Variants in NRXN3 observed in about 807,000 individuals in gnomAD.
NRXN3 encodes the protein neurexin 3.
In NRXN3, 32 loss-of-function variants were observed where a neutral mutation model predicts 137.6. The ratio of observed to expected loss-of-function variants is 0.23; its 90% CI spans 0.18 to 0.31. The LOEUF is 0.31. Ranked by LOEUF, NRXN3 falls within the 10% of genes least tolerant of loss-of-function variation. NRXN3 has a pLI of 1.00. For missense variants in NRXN3, 1,574 were observed against 2,062.5 expected (o/e 0.76, Z 4.59); for synonymous variants, 798 against 784.5 (o/e 1.02, Z -0.29).
intron 15 of NRXN3, among the ~76,000 whole-genome samples, chr14:79,079,761 G>A (rs757927150): frequency 8.5e-5 from 13 of 152,222 alleles, no homozygotes; most frequent in South Asian, 6.2e-4. Flanking sequence ...AGGCCGAGGC[G>A]GGTGGATCAC....
chr14:78,417,234 G>A (rs552384033), intron 4 of NRXN3, among the ~76,000 whole-genome samples: 6 of 152,242 alleles, frequency 3.9e-5, no homozygotes, highest in Admixed American at 2.0e-4. Flanking sequence ...TTCATCTTGC[G>A]CCACTGCCCA....
At chr14:78,189,930 C>T (rs920731964) in intron 1 of NRXN3, among the ~76,000 whole-genome samples, 1 of 152,226 alleles carries the variant, frequency 6.6e-6, no homozygotes, top group Admixed American at 6.5e-5. Flanking sequence ...TCCCCTAGCA[C>T]TCTGGCCGTC....
intron 3 of NRXN3, 48 bp downstream of exon 3, chr14:78,278,710 A>G: frequency 2.0e-6 from 3 of 1,497,920 alleles, no homozygotes; most frequent in East Asian, 4.9e-5. Context: ...CCCCTCTGCT[A>G]GATTGTGCAT....
intron 16 of NRXN3, among the ~76,000 whole-genome samples, chr14:79,545,361 C>T (rs28642741): frequency 0.037 from 5,601 of 152,040 alleles, 317 homozygotes; most frequent in African/African-American, 0.13. Context: ...GCTCATGGGC[C>T]CTTTTCTTAT....
chr14:79,137,230 T>C (rs2058330973), intron 15 of NRXN3, among the ~76,000 whole-genome samples: 1 of 152,218 alleles, frequency 6.6e-6, no homozygotes, highest in Non-Finnish European at 1.5e-5. Context: ...CCATCTGTTA[T>C]TTCTAAAGTA....
At chr14:79,590,693 G>A (rs2097796133) in intron 16 of NRXN3, among the ~76,000 whole-genome samples, 1 of 152,100 alleles carries the variant, frequency 6.6e-6, no homozygotes, top group East Asian at 1.9e-4. Context: ...CAGCACCTAT[G>A]CCCCTGGTAC....
chr14:79,479,370 A>G (rs2096587025), intron 16 of NRXN3, among the ~76,000 whole-genome samples: 1 of 152,062 alleles, frequency 6.6e-6, no homozygotes, highest in Admixed American at 6.6e-5. Flanking sequence ...CCTCTATTTT[A>G]TGAAGTAAAA....
chr14:79,765,057 C>T (rs118167321), intron 19 of NRXN3, among the ~76,000 whole-genome samples: 5,763 of 152,290 alleles, frequency 0.038, 163 homozygotes, highest in Non-Finnish European at 0.06. Flanking sequence ...CATTCATGCA[C>T]ACCACACAAC....
At position 78,926,861 on chromosome 14, in the gene NRXN3, AAT is replaced by A. The variant is rs1459822395; in HGVS notation, c.2276-30371_2276-30370del. 5.4e-3 allele frequency among the ~76,000 whole-genome samples: 108 copies of A among 20,180 alleles called. 6 individuals are homozygous for A. The highest frequency in any genetic ancestry group is 5.9e-3 in the Non-Finnish European group (85 of 14,408). 13.2% of individuals were successfully genotyped at this position (20,180 alleles called of 152,430 possible). The stretch of plus-strand genomic sequence containing the variant: ...TAAATATATAATATATTATATATAT[AAT>A]ATATATATAATATATAATATATTTA... On this transcript the variant is annotated intron_variant, in intron 10 of 20. Transcript: ENST00000335750.
intron 8 of NRXN3, among the ~76,000 whole-genome samples, chr14:78,768,886 C>T (rs1254296233): frequency 3.9e-5 from 6 of 152,184 alleles, no homozygotes; most frequent in Non-Finnish European, 8.8e-5. Context: ...AAACTAGAAG[C>T]TCTCCAAACC....
At chr14:78,203,910 T>C (rs1431291965) in intron 1 of NRXN3, among the ~76,000 whole-genome samples, 1 of 151,534 alleles carries the variant, frequency 6.6e-6, no homozygotes, top group Non-Finnish European at 1.5e-5. Flanking sequence ...CACTTCTTTT[T>C]TTATTTGTTT....
chr14:78,323,295 G>A (rs954619360), intron 4 of NRXN3, among the ~76,000 whole-genome samples: 1 of 151,962 alleles, frequency 6.6e-6, no homozygotes, highest in African/African-American at 2.4e-5. Flanking sequence ...AACACAGAAG[G>A]AGGTGAGTTG....
At chr14:78,776,926 C>T (rs954285990) in intron 8 of NRXN3, among the ~76,000 whole-genome samples, 1 of 152,158 alleles carries the variant, frequency 6.6e-6, no homozygotes, top group Admixed American at 6.5e-5. Context: ...AATAAGAATG[C>T]ATTTTTAGCA....
chr14:78,769,198 G>T (rs1481825129), intron 8 of NRXN3, among the ~76,000 whole-genome samples: 1 of 152,144 alleles, frequency 6.6e-6, no homozygotes, highest in East Asian at 1.9e-4. Context: ...AAATTTCAAA[G>T]GATTTTGAAG....
chr14:79,809,393 T>C (rs1180547015), intron 20 of NRXN3, among the ~76,000 whole-genome samples: 1 of 152,140 alleles, frequency 6.6e-6, no homozygotes, highest in Non-Finnish European at 1.5e-5. Context: ...TCCACTTCAG[T>C]CTCCCAAAGT....
intron 19 of NRXN3, among the ~76,000 whole-genome samples, chr14:79,719,499 C>T (rs752885954): frequency 6.6e-6 from 1 of 151,684 alleles, no homozygotes; most frequent in Non-Finnish European, 1.5e-5. Flanking sequence ...TCTATTAGCA[C>T]TTACTGTCCC....
intron 10 of NRXN3, among the ~76,000 whole-genome samples, chr14:78,875,318 A>G (rs961999310): frequency 6.6e-6 from 1 of 152,226 alleles, no homozygotes; most frequent in Non-Finnish European, 1.5e-5. Context: ...ATTTTTATGT[A>G]CTGCTAATTA....
chr14:78,334,911 A>G (rs2081278594), intron 4 of NRXN3, among the ~76,000 whole-genome samples: 1 of 152,162 alleles, frequency 6.6e-6, no homozygotes, highest in Non-Finnish European at 1.5e-5. Flanking sequence ...AATTTTTGCC[A>G]ACATTATATC....
At chr14:78,803,480 TAAC>T (rs2098845602) in intron 8 of NRXN3, 137 bp from the exon 9 acceptor site, 3 of 735,802 alleles carry the variant, frequency 4.1e-6, no homozygotes, top group South Asian at 3.2e-5. Flanking sequence ...TAAAAGGTGG[TAAC>T]AACAAGGGTT....
Sources: gnomAD v4.1 joint callset for allele counts (sites outside exome capture counted in the v4.1 genomes callset) on GRCh38, gnomAD v4.1.1 for gene constraint, MANE v1.5 for transcripts, NCBI Gene and HGNC (gene_info 2026-07-23, HGNC 2026-07-21) for gene names.